Variants in LRRC4C observed in about 807,000 individuals in gnomAD.
LRRC4C encodes leucine rich repeat containing 4C.
LRRC4C carries 5 observed loss-of-function variants against 33.6 expected under a neutral mutation model. The observed-to-expected ratio is 0.15, with a 90% CI of 0.08 to 0.31. The LOEUF (loss-of-function observed/expected upper bound fraction) is 0.31, where lower values mean the gene tolerates loss of function less well. LRRC4C is among the 10% of genes least tolerant of loss of function. LRRC4C has a pLI of 1.00. For synonymous variants in LRRC4C, 329 were observed against 302.0 expected, an observed-to-expected ratio of 1.09 and a Z score of -0.93; for missense variants, 560 against 796.7, an observed-to-expected ratio of 0.70 and a Z score of 3.58.
chr11:40,813,094 A>G (rs77950847), intron 2 of LRRC4C, among the ~76,000 whole-genome samples: 1 of 152,194 alleles, frequency 6.6e-6, no homozygotes, highest in Non-Finnish European at 1.5e-5. Context: ...CTCAGTATGT[A>G]CAGTTACAAA....
chr11:41,110,211 A>G (rs1415968310), intron 1 of LRRC4C, among the ~76,000 whole-genome samples: 3 of 152,016 alleles, frequency 2.0e-5, no homozygotes, highest in African/African-American at 7.2e-5. Flanking sequence ...TTTAATCTCT[A>G]TGATCCTCAG....
intron 1 of LRRC4C, among the ~76,000 whole-genome samples, chr11:41,068,327 A>G (rs1246235870): frequency 6.6e-6 from 1 of 152,130 alleles, no homozygotes; most frequent in Non-Finnish European, 1.5e-5. Context: ...GGGGAGGTGG[A>G]GGTTGCGGTG....
At chr11:40,558,120 T>G (rs1483103962) in intron 3 of LRRC4C, among the ~76,000 whole-genome samples, 1 of 152,220 alleles carries the variant, frequency 6.6e-6, no homozygotes, top group Non-Finnish European at 1.5e-5. Context: ...GCAATTACTG[T>G]TCAGAAATAC....
chr11:41,196,424 C>G (rs1946181339), intron 1 of LRRC4C, among the ~76,000 whole-genome samples: 1 of 152,038 alleles, frequency 6.6e-6, no homozygotes, highest in Non-Finnish European at 1.5e-5. Flanking sequence ...GAACTTAAAT[C>G]ATAAACTTAC....
intron 5 of LRRC4C, among the ~76,000 whole-genome samples, chr11:40,232,108 G>C (rs1865242022): frequency 6.6e-6 from 1 of 152,156 alleles, no homozygotes; most frequent in Non-Finnish European, 1.5e-5. Flanking sequence ...CTGGGTTCAA[G>C]AGATTCTCCT....
intron 2 of LRRC4C, among the ~76,000 whole-genome samples, chr11:40,892,684 A>G (rs1196323005): frequency 6.6e-6 from 1 of 152,216 alleles, no homozygotes; most frequent in Admixed American, 6.5e-5. Context: ...AATAATCCAG[A>G]CACAGAAAAA....
chr11:40,774,859 C>G (rs1458991671), intron 2 of LRRC4C, among the ~76,000 whole-genome samples: 2 of 152,038 alleles, frequency 1.3e-5, no homozygotes, highest in African/African-American at 4.8e-5. Flanking sequence ...AGTCCATATT[C>G]TTCTACTTCT....
At chr11:40,409,475 T>C (rs948875651) in intron 3 of LRRC4C, among the ~76,000 whole-genome samples, 1 of 151,880 alleles carries the variant, frequency 6.6e-6, no homozygotes, top group African/African-American at 2.4e-5. Flanking sequence ...GAAGAAAACA[T>C]TTGCAAACCA....
intron 5 of LRRC4C, among the ~76,000 whole-genome samples, chr11:40,169,417 T>C (rs971355843): frequency 3.3e-5 from 5 of 152,196 alleles, no homozygotes; most frequent in African/African-American, 1.2e-4. Context: ...ATTTTTGAGG[T>C]ATAAATATTT....
chr11:41,153,403 G>A (rs926014679), intron 1 of LRRC4C, among the ~76,000 whole-genome samples: 2 of 152,052 alleles, frequency 1.3e-5, no homozygotes, highest in Non-Finnish European at 2.9e-5. Context: ...TACTGAATAA[G>A]TTTATGAATG....
intron 3 of LRRC4C, among the ~76,000 whole-genome samples, chr11:40,511,920 C>T (rs1337514472): frequency 6.6e-6 from 1 of 151,904 alleles, no homozygotes; most frequent in South Asian, 2.1e-4. Flanking sequence ...GCTAGTGAAA[C>T]AAGAGTTAAT....
chr11:40,251,620 G>A (rs1301190428), intron 4 of LRRC4C, among the ~76,000 whole-genome samples: 2 of 152,182 alleles, frequency 1.3e-5, no homozygotes, highest in Non-Finnish European at 2.9e-5. Flanking sequence ...GCATATCTGA[G>A]ATAAGAAACC....
chr11:40,163,476 G>A (rs770098918), intron 5 of LRRC4C, among the ~76,000 whole-genome samples: 138 of 152,298 alleles, frequency 9.1e-4, no homozygotes, highest in Middle Eastern at 3.4e-3. Flanking sequence ...GGTATCAAGT[G>A]TGTAAATGGA....
intron 2 of LRRC4C, among the ~76,000 whole-genome samples, chr11:40,837,751 G>A (rs923928639): frequency 6.6e-6 from 1 of 151,456 alleles, no homozygotes; most frequent in African/African-American, 2.4e-5. Flanking sequence ...TGGTGAGGCT[G>A]AAGAGGTAGG....
chr11:41,042,913 GT>G (rs1414668629), intron 1 of LRRC4C, among the ~76,000 whole-genome samples: 1 of 151,162 alleles, frequency 6.6e-6, no homozygotes, highest in African/African-American at 2.4e-5. Flanking sequence ...GGCATAGATA[GT>G]AATTGTGAAC....
At chr11:40,941,297 A>C (rs895927250) in intron 1 of LRRC4C, among the ~76,000 whole-genome samples, 4 of 152,134 alleles carry the variant, frequency 2.6e-5, no homozygotes, top group African/African-American at 7.2e-5. Context: ...CCCACTCCTT[A>C]CTTGAAATAT....
chr11:40,547,662 C>G (rs1283426973), intron 3 of LRRC4C, among the ~76,000 whole-genome samples: 2 of 151,996 alleles, frequency 1.3e-5, no homozygotes, highest in Non-Finnish European at 2.9e-5. Flanking sequence ...AGAACTCTAC[C>G]TGAATAACAC....
At chr11:41,068,410 A>G (rs933683919) in intron 1 of LRRC4C, among the ~76,000 whole-genome samples, 4 of 152,158 alleles carry the variant, frequency 2.6e-5, no homozygotes, top group South Asian at 2.1e-4. Context: ...ACAAAAAAAA[A>G]TAAATAAATA....
chr11:40,419,698 G>T (rs1342084379), intron 3 of LRRC4C, among the ~76,000 whole-genome samples: 1 of 152,154 alleles, frequency 6.6e-6, no homozygotes, highest in East Asian at 1.9e-4. Context: ...GGGAAACTTT[G>T]CTTTTCACCA....
Sources: allele counts gnomAD v4.1 joint callset (sites outside exome capture counted in the v4.1 genomes callset), GRCh38; gene constraint gnomAD v4.1.1; transcripts MANE v1.5; gene names NCBI Gene and HGNC (gene_info 2026-07-23, HGNC 2026-07-21).